The following IARS1 variants were observed in gnomAD, a reference collection of about 807,000 sequenced individuals.
IARS1 encodes the protein isoleucine--tRNA ligase, cytoplasmic.
Under a neutral mutation model 168.2 loss-of-function variants are expected in IARS1, and 124 were observed. The ratio of observed to expected loss-of-function variants is 0.74; its 90% CI spans 0.64 to 0.86. The LOEUF is 0.86. IARS1 is among the 40% of genes least tolerant of loss of function. The probability of loss-of-function intolerance (pLI) is 0.00; values close to 1 mark genes in which losing one functional copy is unlikely to be tolerated. For missense variants in IARS1, 1,452 were observed against 1,515.8 expected (o/e 0.96, Z 0.70); for synonymous variants, 532 against 529.4 (o/e 1.00, Z -0.07).
At chr9:92,279,878 T>C (rs549352447) in intron 7 of IARS1, among the ~76,000 whole-genome samples, 10 of 152,332 alleles carry the variant, frequency 6.6e-5, no homozygotes, top group African/African-American at 1.9e-4. Flanking sequence ...CTCATATAAA[T>C]AGAATCATGT....
Position 92,252,714 on chromosome 9 carries a change from A to G in IARS1, c.2229+648T>C, listed in dbSNP as rs566207726. ...GGGAGGCAAAGGTTGTAGTGAGCCA[A>G]GATCATGCCACTGCACTCCAGCCTG... On this transcript the variant is annotated intron_variant, in intron 21 of 33. Coordinates refer to ENST00000443024, the MANE Select transcript of IARS1 (RefSeq NM_002161.6). Among the ~76,000 whole-genome samples, 3 of 143,052 alleles carry G rather than the reference A, an allele frequency of 2.1e-5. 1 individual carries two copies. Among genetic ancestry groups the G allele is most frequent in the Non-Finnish European group, 4.5e-5 (3 of 66,654 alleles). The allele number at this position is 143,052 out of a possible 152,430, so 93.8% of individuals were successfully genotyped here.
At chr9:92,254,122 A>G (rs1830401900) in intron 20 of IARS1, among the ~76,000 whole-genome samples, 4 of 152,238 alleles carry the variant, frequency 2.6e-5, no homozygotes, top group Admixed American at 1.3e-4. Context: ...ACTCTGGCAC[A>G]GGCTATGAAT....
chr9:92,224,876 T>C (rs969346984), intron 31 of IARS1, among the ~76,000 whole-genome samples: 5 of 151,722 alleles, frequency 3.3e-5, no homozygotes, highest in South Asian at 4.2e-4. Flanking sequence ...TCAGTGGACA[T>C]GTTCTATTCT....
intron 10 of IARS1, 75 bp from the exon 11 acceptor site, chr9:92,271,730 A>G (rs1180174858): frequency 2.7e-6 from 4 of 1,474,878 alleles, no homozygotes; most frequent in Admixed American, 1.7e-5. Flanking sequence ...TAGATTCCCA[A>G]GATAATTGTT....
chr9:92,268,563 A>G (rs1832612927), intron 13 of IARS1, among the ~76,000 whole-genome samples: 1 of 152,192 alleles, frequency 6.6e-6, no homozygotes, highest in African/African-American at 2.4e-5. Context: ...TACAGCTGCC[A>G]CATACCTCTA....
At position 92,222,561 on chromosome 9, in the gene IARS1, C is replaced by T; in HGVS notation, c.3665G>A (p.Ser1222Asn). ...ATTCAGAAACAGCTTTAGCTTCCTG[C>T]TCCGAAGGCCAAACACCTTGGCTGC... ...YEAAKVFGLR[S>N]RKLKLFLNET... The change falls in exon 33 of 34, where the codon AGC (serine) becomes AAC (asparagine). Residue 1222 changes from serine (S) to asparagine (N), a missense_variant. Physicochemically the swap from Ser to Asn is conservative, Grantham distance 46. Coordinates refer to ENST00000443024, the MANE Select transcript of IARS1 (RefSeq NM_002161.6). 1 of 1,614,122 alleles carries T rather than the reference C, an allele frequency of 6.2e-7. No homozygotes were observed.
chr9:92,223,846 C>T (rs1190378727), intron 31 of IARS1, among the ~76,000 whole-genome samples: 1 of 152,188 alleles, frequency 6.6e-6, no homozygotes, highest in Non-Finnish European at 1.5e-5. Context: ...TAATTACAGT[C>T]AGAAGATGTT....
chr9:92,219,812 T>C (rs1839375281), intron 33 of IARS1, among the ~76,000 whole-genome samples: 1 of 142,106 alleles, frequency 7.0e-6, no homozygotes, highest in African/African-American at 2.8e-5. Flanking sequence ...ACTTTTACAC[T>C]GTTGGTGGGA....
At chr9:92,284,040 T>C (rs1335435719) in intron 6 of IARS1, among the ~76,000 whole-genome samples, 2 of 151,992 alleles carry the variant, frequency 1.3e-5, no homozygotes, top group East Asian at 1.9e-4. Flanking sequence ...TAGCCAGGTA[T>C]GGTGGTATGT....
At chr9:92,271,848 A>C (rs149497183) in intron 10 of IARS1, among the ~76,000 whole-genome samples, 193 bp from the exon 11 acceptor site, 59 of 152,358 alleles carry the variant, frequency 3.9e-4, no homozygotes, top group African/African-American at 1.4e-3. Flanking sequence ...TAGGTCACCC[A>C]GTCTAGTCTT....
At chr9:92,283,139 C>T (rs1202847284) in intron 6 of IARS1, among the ~76,000 whole-genome samples, 2 of 152,094 alleles carry the variant, frequency 1.3e-5, no homozygotes, top group East Asian at 3.9e-4. Context: ...TTTTAAAAAC[C>T]CTTGGTTAAC....
At chr9:92,218,922 T>A (rs997035261) in intron 33 of IARS1, among the ~76,000 whole-genome samples, 3 of 152,170 alleles carry the variant, frequency 2.0e-5, no homozygotes, top group African/African-American at 7.2e-5. Context: ...AAAAAACTAC[T>A]TTAAAGTTCA....
Position 92,293,623 on chromosome 9 carries a change from G to A in IARS1, c.-20C>T. The A allele has an allele frequency of 2.9e-6, 1 of 344,264 alleles. No individual in the cohort carries two copies. Among genetic ancestry groups the A allele is most frequent in the South Asian group, 2.4e-5 (1 of 41,990 alleles). 21.3% of individuals were successfully genotyped at this position (344,264 alleles called of 1,614,324 possible). A position where few individuals can be genotyped will look rare whatever the true frequency, so the allele number is the denominator to read the frequency against. On this transcript the variant is annotated 5_prime_UTR_variant, in exon 1 of 34. Transcript: ENST00000443024. ...AGAGAGGGCGTACCTGAGGGGCCTC[G>A]CGTGCCTGGACAGCCCCGCGGGCCA...
intron 15 of IARS1, 78 bp from the exon 16 acceptor site, chr9:92,265,201 C>T: frequency 1.6e-6 from 2 of 1,235,944 alleles, no homozygotes; most frequent in Non-Finnish European, 1.1e-6. Flanking sequence ...ATAGGAAACA[C>T]AAAACCCTGA....
chr9:92,214,860 T>G (rs1298089356), intron 33 of IARS1, among the ~76,000 whole-genome samples: 2 of 152,228 alleles, frequency 1.3e-5, no homozygotes, highest in African/African-American at 4.8e-5. Flanking sequence ...CGCCCGCCAT[T>G]GCCCAGGCTT....
chr9:92,259,781 A>G (rs898747481), intron 18 of IARS1, among the ~76,000 whole-genome samples: 1 of 152,170 alleles, frequency 6.6e-6, no homozygotes, highest in African/African-American at 2.4e-5. Context: ...TATATCTCAC[A>G]TGGCTCTGTA....
chr9:92,289,677 C>A lies in IARS1; in HGVS notation c.-7-251G>T, dbSNP rs566819745. Among the ~76,000 whole-genome samples the A allele has an allele frequency of 3.9e-5, 6 of 152,290 alleles. 1 individual carries two copies. Among genetic ancestry groups the A allele is most frequent in the African/African-American group, 1.4e-4 (6 of 41,556 alleles). On this transcript the variant is annotated intron_variant, in intron 1 of 33. Transcript: ENST00000443024. ...ACCTCCCCTCCCCACCAAAACACCC[C>A]AAAACCATTAGCAGTCACTCCCCAT...
chr9:92,266,900 T>C (rs1832360367), intron 14 of IARS1, among the ~76,000 whole-genome samples: 1 of 152,204 alleles, frequency 6.6e-6, no homozygotes, highest in South Asian at 2.1e-4. Flanking sequence ...CTTTATAAAT[T>C]ATCCAGCCTC....
chr9:92,239,142 C>CT (rs1231174734), intron 30 of IARS1, among the ~76,000 whole-genome samples: 2 of 152,108 alleles, frequency 1.3e-5, no homozygotes, highest in African/African-American at 4.8e-5. Flanking sequence ...TTCCATTTTT[C>CT]TTTTTTCCTT....
Sources: allele counts gnomAD v4.1 joint callset (sites outside exome capture counted in the v4.1 genomes callset), GRCh38; gene constraint gnomAD v4.1.1; transcripts MANE v1.5; gene names NCBI Gene and HGNC (gene_info 2026-07-23, HGNC 2026-07-21).